CNTN1: variants seen among roughly 807,000 people sequenced by gnomAD.
CNTN1 encodes contactin-1.
A neutral mutation model predicts 126.4 loss-of-function variants in CNTN1; 38 were observed. That is an observed-to-expected ratio of 0.30 (90% CI 0.23 to 0.39). CNTN1 has a LOEUF of 0.39. CNTN1 is among the 10% of genes least tolerant of loss of function. The pLI is 1.00. For missense variants in CNTN1, 1,009 were observed against 1,248.4 expected, an observed-to-expected ratio of 0.81 and a Z score of 2.89; for synonymous variants, 413 against 422.6, an observed-to-expected ratio of 0.98 and a Z score of 0.28.
chr12:40,817,482 T>G (rs1333296277), intron 1 of CNTN1, among the ~76,000 whole-genome samples: 1 of 142,834 alleles, frequency 7.0e-6, no homozygotes, highest in African/African-American at 2.6e-5. Flanking sequence ...CTGCTTTTTT[T>G]TTTTTTTTTT....
chr12:41,069,391 T>A (rs1208973794), intron 23 of CNTN1, among the ~76,000 whole-genome samples: 1 of 152,198 alleles, frequency 6.6e-6, no homozygotes, highest in African/African-American at 2.4e-5. Flanking sequence ...ATGTTGTCAT[T>A]GTTTCAGGAA....
At chr12:40,809,643 C>T (rs1940977701) in intron 1 of CNTN1, among the ~76,000 whole-genome samples, 1 of 152,044 alleles carries the variant, frequency 6.6e-6, no homozygotes, top group Non-Finnish European at 1.5e-5. Context: ...ACCAGCATGA[C>T]CTGTCTCTAC....
chr12:40,793,351 A>G (rs1358092746), intron 1 of CNTN1, among the ~76,000 whole-genome samples: 2 of 152,140 alleles, frequency 1.3e-5, no homozygotes, highest in East Asian at 1.9e-4. Context: ...AGAAATTTGT[A>G]TGCTTTTTTC....
chr12:40,792,042 G>A (rs550415616), intron 1 of CNTN1, among the ~76,000 whole-genome samples: 21 of 152,130 alleles, frequency 1.4e-4, no homozygotes, highest in African/African-American at 4.8e-4. Flanking sequence ...AATTTAACCT[G>A]AAGAATTATT....
rs559203888 is a variant in CNTN1 at position 41,013,844 on chromosome 12, G to A, written c.2114-384G>A. ...AAACATTATCCAATACAAATGCATGGTTTCTTAACATTTATTTGTAGAATG... is the reference window on the plus strand; with the variant it reads ...AAACATTATCCAATACAAATGCATGATTTCTTAACATTTATTTGTAGAATG... On this transcript the variant is annotated intron_variant, in intron 17 of 23. Coordinates refer to ENST00000551295, the MANE Select transcript of CNTN1 (RefSeq NM_001843.4). Among the ~76,000 whole-genome samples the A allele has an allele frequency of 8.5e-5, 13 of 152,242 alleles. No homozygotes were observed. The South Asian group carries it at 2.3e-3, about 27-fold the overall frequency.
At chr12:40,791,621 C>T (rs577481583) in intron 1 of CNTN1, among the ~76,000 whole-genome samples, 6 of 152,166 alleles carry the variant, frequency 3.9e-5, no homozygotes, top group Admixed American at 2.6e-4. Flanking sequence ...CTACAATGTT[C>T]GTTTACATCT....
At chr12:40,959,300 C>T (rs909527093) in intron 15 of CNTN1, 66 bp downstream of exon 15, 2 of 1,546,264 alleles carry the variant, frequency 1.3e-6, no homozygotes, top group Non-Finnish European at 8.9e-7. Flanking sequence ...CATGTATAAT[C>T]TTCTGGTAAC....
intron 1 of CNTN1, among the ~76,000 whole-genome samples, chr12:40,879,516 A>T (rs1039603275): frequency 6.6e-6 from 1 of 152,134 alleles, no homozygotes; most frequent in African/African-American, 2.4e-5. Context: ...TTTATATGTT[A>T]TGCAAAATGA....
At chr12:40,949,244 C>T (rs1946563816) in intron 14 of CNTN1, among the ~76,000 whole-genome samples, 1 of 145,844 alleles carries the variant, frequency 6.9e-6, no homozygotes, top group African/African-American at 2.6e-5. Flanking sequence ...TTTTTATTTA[C>T]ATTTTATGTA....
At position 40,772,288 on chromosome 12, in the gene CNTN1, A is replaced by T. The variant is rs185940791; in HGVS notation, c.-77+79696A>T. Among the ~76,000 whole-genome samples, 19 of 152,184 alleles carry T rather than the reference A, an allele frequency of 1.2e-4. No individual in the cohort carries two copies. In the East Asian group the frequency reaches 3.7e-3, roughly 29 times the overall value. ...GGTACAAGTAAAAAGCAAAAAGAAC[A>T]TGAACTTTCTTTGGCTGAAGCAATC... On this transcript the variant is annotated intron_variant, in intron 1 of 23. Coordinates refer to ENST00000551295, the MANE Select transcript of CNTN1 (RefSeq NM_001843.4).
chr12:40,705,237 G>A (rs1941708198), intron 1 of CNTN1, among the ~76,000 whole-genome samples: 1 of 152,160 alleles, frequency 6.6e-6, no homozygotes, highest in African/African-American at 2.4e-5. Context: ...AAATTTGTCA[G>A]CCTTTTCTCC....
rs145528316 is a variant in CNTN1, at chr12:40,739,331, G to A, written c.-77+46739G>A. Among the ~76,000 whole-genome samples, 285 of 152,096 alleles carry A rather than the reference G, an allele frequency of 1.9e-3. 1 individual carries two copies. Among genetic ancestry groups the A allele is most frequent in the African/African-American group, 6.5e-3 (269 of 41,504 alleles). On this transcript the variant is annotated intron_variant, in intron 1 of 23. Transcript: ENST00000551295. ...AGCTAGTTGCAGAATGAAACATATT[G>A]TACCATTTATATAAGATTTGAAGGC...
At chr12:40,748,969 C>A (rs1295278365) in intron 1 of CNTN1, among the ~76,000 whole-genome samples, 2 of 152,058 alleles carry the variant, frequency 1.3e-5, no homozygotes, top group African/African-American at 2.4e-5. Context: ...TGAAAACAGA[C>A]AAAACACCCC....
rs974264084 is a variant in CNTN1, at chr12:40,922,289, A to G, written c.261A>G (p.Thr87=). Residue 87 remains threonine (T), a synonymous_variant, in exon 5 of 24, where the codon ACA becomes ACG. Coordinates refer to ENST00000551295, the MANE Select transcript of CNTN1 (RefSeq NM_001843.4). ...WRMNNGDVDL[T]SDRYSMVGGN... ...TGAATAATGGGGACGTTGATCTCAC[A>G]AGTGATCGATACAGTATGGTAGGAG... 2 of 1,613,892 alleles carry G rather than the reference A, an allele frequency of 1.2e-6. No individual in the cohort carries two copies. The highest frequency in any genetic ancestry group is 2.7e-5 in the African/African-American group (2 of 74,904).
rs151104435 is a variant in CNTN1, at chr12:40,962,404, G to A, written c.1804+3170G>A. 2.0e-3 allele frequency among the ~76,000 whole-genome samples: 297 copies of A among 152,196 alleles called. 4 individuals carry two copies. Among genetic ancestry groups the A allele is most frequent in the African/African-American group, 6.1e-3 (255 of 41,550 alleles). On this transcript the variant is annotated intron_variant, in intron 15 of 23. Coordinates refer to ENST00000551295, the MANE Select transcript of CNTN1 (RefSeq NM_001843.4). ...TTTTATTGTATATTGAGCTTAGAAT[G>A]TAAGCAGTCAAGTAGTTAAATCTGA...
intron 1 of CNTN1, among the ~76,000 whole-genome samples, chr12:40,709,869 G>T (rs928903144): frequency 6.6e-5 from 10 of 152,134 alleles, no homozygotes; most frequent in African/African-American, 2.4e-4. Context: ...TTCTATCAAG[G>T]CTACTCAAAC....
rs1389542521 is a variant in CNTN1 at position 40,994,701 on chromosome 12, T to C, written c.2113+1432T>C. Reference sequence around the variant, plus strand: ...ATCTTAGATTACCTACATATCCTGATGAAATTTCTGTGAGGTAGAGAAAAG... The same window carrying C: ...ATCTTAGATTACCTACATATCCTGACGAAATTTCTGTGAGGTAGAGAAAAG... On this transcript the variant is annotated intron_variant, in intron 17 of 23. Coordinates refer to ENST00000551295, the MANE Select transcript of CNTN1 (RefSeq NM_001843.4). Among the ~76,000 whole-genome samples, 3 of 152,104 alleles carry C rather than the reference T, an allele frequency of 2.0e-5. No individual in the cohort carries two copies. In the South Asian group the frequency reaches 6.2e-4, roughly 31 times the overall value.
At chr12:40,953,122 G>A (rs1409415845) in intron 14 of CNTN1, among the ~76,000 whole-genome samples, 2 of 152,110 alleles carry the variant, frequency 1.3e-5, no homozygotes, top group East Asian at 3.9e-4. Context: ...AGTTTACGGG[G>A]GAAGGTGAAG....
At position 40,760,425 on chromosome 12, in the gene CNTN1, AC is replaced by A. The variant is rs376470780; in HGVS notation, c.-77+67834del. ...AAAAACACACAAGAATATCTACAAT[AC>A]AAACACTGCTACCAACATTATTATT... is the stretch of plus-strand genomic sequence containing the variant. On this transcript the variant is annotated intron_variant, in intron 1 of 23. Coordinates refer to ENST00000551295, the MANE Select transcript of CNTN1 (RefSeq NM_001843.4). 5.3e-3 allele frequency among the ~76,000 whole-genome samples: 805 copies of A among 152,208 alleles called. 7 individuals carry two copies. Among genetic ancestry groups the A allele is most frequent in the African/African-American group, 0.018 (738 of 41,550 alleles).
Sources: allele counts gnomAD v4.1 joint callset (sites outside exome capture counted in the v4.1 genomes callset), GRCh38; gene constraint gnomAD v4.1.1; transcripts MANE v1.5; gene names NCBI Gene and HGNC (gene_info 2026-07-23, HGNC 2026-07-21).